LDLRAD4: variants seen among roughly 807,000 people sequenced by gnomAD.
LDLRAD4 encodes low-density lipoprotein receptor class A domain-containing protein 4.
A neutral mutation model predicts 17.0 loss-of-function variants in LDLRAD4; 5 were observed. The ratio of observed to expected loss-of-function variants is 0.29; its 90% confidence interval spans 0.15 to 0.62. LDLRAD4 has a LOEUF of 0.62. Among genes scored for constraint, LDLRAD4 ranks in the 20% least tolerant of loss-of-function variants. The pLI, the probability that LDLRAD4 is intolerant of heterozygous loss-of-function variation, is 0.84. For synonymous variants in LDLRAD4, 168 were observed against 171.8 expected, an observed-to-expected ratio of 0.98 and a Z score of 0.17; for missense variants, 340 against 424.7, an observed-to-expected ratio of 0.80 and a Z score of 1.75.
At chr18:13,530,078 C>T (rs938339692) in intron 3 of LDLRAD4, among the ~76,000 whole-genome samples, 4 of 152,142 alleles carry the variant, frequency 2.6e-5, no homozygotes, top group South Asian at 2.1e-4. Flanking sequence ...AAACACTGCC[C>T]GATCATAAAA....
rs1344832395 is a variant in LDLRAD4 at position 13,300,106 on chromosome 18, A to G, written c.-383+21918A>G. On this transcript the variant is annotated intron_variant, in intron 1 of 5. Transcript: ENST00000359446. This position sits in a 1 kb window ranked among gnomAD's most constrained non-coding sequence, Gnocchi z 4.2. ...GTCACAGCCCATGTGGCTCTGCCCC[A>G]TGCTTCACACATCTTGGTTCCTGCA... Among the ~76,000 whole-genome samples, 2 of 152,148 alleles carry G rather than the reference A, an allele frequency of 1.3e-5. No individual in the cohort carries two copies. The highest frequency in any genetic ancestry group is 2.9e-5 in the Non-Finnish European group (2 of 68,020).
At chr18:13,394,611 C>G (rs569738520) in intron 2 of LDLRAD4, among the ~76,000 whole-genome samples, 8 of 152,162 alleles carry the variant, frequency 5.3e-5, no homozygotes, top group Non-Finnish European at 1.0e-4. Context: ...TATTTATGCT[C>G]AGAGCATCCT....
intron 1 of LDLRAD4, among the ~76,000 whole-genome samples, chr18:13,255,194 G>A (rs932656005): frequency 2.0e-5 from 3 of 151,298 alleles, no homozygotes; most frequent in Non-Finnish European, 4.4e-5. Context: ...ACAGATGCCC[G>A]CCCCCCCCAG....
chr18:13,588,337 G>A (rs2094962492), intron 3 of LDLRAD4, among the ~76,000 whole-genome samples: 1 of 152,082 alleles, frequency 6.6e-6, no homozygotes, highest in South Asian at 2.1e-4. Flanking sequence ...ATGGACCAGT[G>A]GGAGTGATAC....
At chr18:13,334,770 G>T (rs1439147348) in intron 1 of LDLRAD4, among the ~76,000 whole-genome samples, 2 of 152,086 alleles carry the variant, frequency 1.3e-5, no homozygotes, top group Non-Finnish European at 2.9e-5. Context: ...TCCTTGCCTT[G>T]TTTCTGATCT....
chr18:13,547,908 C>A (rs1004705758), intron 3 of LDLRAD4, among the ~76,000 whole-genome samples: 2 of 152,196 alleles, frequency 1.3e-5, no homozygotes, highest in Admixed American at 6.5e-5. Flanking sequence ...GTTTGTGTTA[C>A]AGCTCTTTCA....
chr18:13,401,917 C>G (rs766517241), intron 2 of LDLRAD4, among the ~76,000 whole-genome samples: 1 of 152,166 alleles, frequency 6.6e-6, no homozygotes, highest in Non-Finnish European at 1.5e-5. Context: ...GTTACTCTCA[C>G]GCTTCCCTGA....
At chr18:13,475,427 ATTTTTTTTT>A (rs35255496) in intron 3 of LDLRAD4, among the ~76,000 whole-genome samples, 1 of 131,138 alleles carries the variant, frequency 7.6e-6, no homozygotes, top group Non-Finnish European at 1.6e-5. Context: ...CACCCCGCTG[ATTTTTTTTT>A]TTTTTTTTTT....
intron 3 of LDLRAD4, among the ~76,000 whole-genome samples, chr18:13,479,014 G>A (rs1018804754): frequency 2.6e-5 from 4 of 152,212 alleles, no homozygotes; most frequent in Non-Finnish European, 5.9e-5. Context: ...AGGTAATACG[G>A]TGGAGGCAAG....
At chr18:13,281,907 T>C (rs1042469223) in intron 1 of LDLRAD4, among the ~76,000 whole-genome samples, 2 of 152,128 alleles carry the variant, frequency 1.3e-5, no homozygotes, top group Admixed American at 6.5e-5. Flanking sequence ...GATAAAGATA[T>C]ATCCGAGACT....
intron 1 of LDLRAD4, chr18:13,382,858 T>C (rs2085485493): frequency 6.6e-6 from 1 of 152,340 alleles, no homozygotes; most frequent in Admixed American, 6.5e-5. Flanking sequence ...CCAGGGTCAG[T>C]CCTGCTCTCC....
At chr18:13,513,605 G>C (rs1044649788) in intron 3 of LDLRAD4, among the ~76,000 whole-genome samples, 3 of 152,094 alleles carry the variant, frequency 2.0e-5, no homozygotes, top group East Asian at 3.9e-4. Flanking sequence ...CACCTTCATC[G>C]TCTTCATCAG....
intron 3 of LDLRAD4, chr18:13,489,862 A>G (rs1237871010): frequency 2.6e-5 from 4 of 152,250 alleles, no homozygotes; most frequent in Admixed American, 1.3e-4. Flanking sequence ...TTAAAGGGAC[A>G]TGGGTTAGAA....
chr18:13,600,041 T>G, intron 3 of LDLRAD4, among the ~76,000 whole-genome samples: 1 of 152,222 alleles, frequency 6.6e-6, no homozygotes, highest in East Asian at 1.9e-4. Context: ...CTCAAACTCC[T>G]GAGCAAATGA....
At chr18:13,642,074 C>T (rs2042618585) in intron 4 of LDLRAD4, 8 of 985,440 alleles carry the variant, frequency 8.1e-6, no homozygotes, top group Admixed American at 6.1e-5. Flanking sequence ...GCCCTTCCCT[C>T]CCGTCACAGG....
intron 3 of LDLRAD4, chr18:13,515,258 A>C (rs183266374): frequency 5.3e-5 from 8 of 152,366 alleles, no homozygotes; most frequent in African/African-American, 1.9e-4. Flanking sequence ...AAAGAAACCA[A>C]AATCCTTGGT....
intron 3 of LDLRAD4, among the ~76,000 whole-genome samples, chr18:13,493,252 A>G (rs2093395915): frequency 6.6e-6 from 1 of 152,196 alleles, no homozygotes. Flanking sequence ...GGGAAAGTGT[A>G]TGTCCTCACC....
rs181476335 is a variant in LDLRAD4 at position 13,459,410 on chromosome 18, G to T, written c.181+21026G>T. Reference sequence around the variant, plus strand: ...TTTGTTTTTGTTTTCCTGAGATGGAGTCTTACTCTGTCGCCCAGGCTGGAG... The same window carrying T: ...TTTGTTTTTGTTTTCCTGAGATGGATTCTTACTCTGTCGCCCAGGCTGGAG... On this transcript the variant is annotated intron_variant, in intron 3 of 5. Transcript: ENST00000359446. Among the ~76,000 whole-genome samples, 3 of 151,504 alleles carry T rather than the reference G, an allele frequency of 2.0e-5. 1 individual carries two copies. The highest frequency in any genetic ancestry group is 1.3e-4 in the Admixed American group (2 of 15,228).
chr18:13,577,935 G>A (rs527624376), intron 3 of LDLRAD4, among the ~76,000 whole-genome samples: 43 of 152,248 alleles, frequency 2.8e-4, no homozygotes, highest in Admixed American at 9.2e-4. Context: ...CTAAAACTCA[G>A]CTCTGATTAT....
Sources: gnomAD v4.1 joint callset for allele counts (sites outside exome capture counted in the v4.1 genomes callset) on GRCh38, gnomAD v4.1.1 for gene constraint, Gnocchi (gnomAD v3.1) non-coding constraint, MANE v1.5 for transcripts, NCBI Gene and HGNC (gene_info 2026-07-23, HGNC 2026-07-21) for gene names.